MAGI2: variants seen among roughly 807,000 people sequenced by gnomAD.
MAGI2 encodes the protein membrane-associated guanylate kinase, WW and PDZ domain-containing protein 2.
MAGI2 carries 35 observed loss-of-function variants against 133.3 expected under a neutral mutation model. That is an observed-to-expected ratio of 0.26 (90% CI 0.20 to 0.35). MAGI2 has a LOEUF of 0.35. MAGI2 is among the 10% of genes least tolerant of loss of function. The pLI is 1.00. For synonymous variants in MAGI2, 729 were observed against 710.6 expected (o/e 1.03, Z -0.41); for missense variants, 1,636 against 1,863.4 (o/e 0.88, Z 2.25).
intron 6 of MAGI2, among the ~76,000 whole-genome samples, chr7:78,478,980 T>A (rs1792074452): frequency 6.6e-6 from 1 of 151,910 alleles, no homozygotes; most frequent in South Asian, 2.1e-4. Flanking sequence ...TAGGTTCCTT[T>A]AACCTATAAG....
chr7:78,037,964 G>A (rs1350611677), intron 21 of MAGI2, among the ~76,000 whole-genome samples: 12 of 152,190 alleles, frequency 7.9e-5, no homozygotes. Context: ...CTTCACAGGA[G>A]TAGACATGTC....
At chr7:79,059,074 G>A (rs1049904812) in intron 1 of MAGI2, among the ~76,000 whole-genome samples, 1 of 151,926 alleles carries the variant, frequency 6.6e-6, no homozygotes. Context: ...TTAGGTTGGT[G>A]CATTACCTTT....
intron 20 of MAGI2, among the ~76,000 whole-genome samples, chr7:78,085,373 T>C (rs1390208101): frequency 1.3e-5 from 2 of 151,624 alleles, no homozygotes; most frequent in African/African-American, 4.8e-5. Context: ...CTACAAAAAA[T>C]AAAAAACATT....
chr7:79,128,626 C>T (rs901752842), intron 1 of MAGI2, among the ~76,000 whole-genome samples: 3 of 152,122 alleles, frequency 2.0e-5, no homozygotes, highest in Non-Finnish European at 4.4e-5. Context: ...TACTATTCTG[C>T]TCCATCTCTG....
intron 10 of MAGI2, among the ~76,000 whole-genome samples, chr7:78,237,986 C>T (rs1018167723): frequency 3.3e-5 from 5 of 152,150 alleles, no homozygotes; most frequent in African/African-American, 1.2e-4. Context: ...AAATCCAAAG[C>T]TACCTTCTCC....
chr7:78,987,712 AAC>A (rs544676358), intron 2 of MAGI2, among the ~76,000 whole-genome samples: 57 of 152,202 alleles, frequency 3.7e-4, no homozygotes, highest in Non-Finnish European at 7.1e-4. Flanking sequence ...TTTTATTAAA[AAC>A]AGTTTCATTT....
At chr7:78,245,754 T>A in intron 10 of MAGI2, among the ~76,000 whole-genome samples, 1 of 152,076 alleles carries the variant, frequency 6.6e-6, no homozygotes. Context: ...TGGGGACTCC[T>A]GCAGTCCTCA....
intron 3 of MAGI2, among the ~76,000 whole-genome samples, chr7:78,606,460 A>C (rs912935175): frequency 6.6e-6 from 1 of 152,048 alleles, no homozygotes; most frequent in Non-Finnish European, 1.5e-5. Context: ...GACTAGTCAA[A>C]GATAATACAA....
intron 3 of MAGI2, among the ~76,000 whole-genome samples, chr7:78,600,244 A>G (rs1385857990): frequency 6.6e-6 from 1 of 152,214 alleles, no homozygotes; most frequent in Non-Finnish European, 1.5e-5. Context: ...GAATTTTTAA[A>G]TAATGGAATA....
chr7:78,770,573 C>G (rs1443378073), intron 2 of MAGI2, among the ~76,000 whole-genome samples: 2 of 152,174 alleles, frequency 1.3e-5, no homozygotes, highest in Non-Finnish European at 2.9e-5. Context: ...CAAACAGCCA[C>G]CTGACAATCT....
At chr7:78,978,090 G>A (rs574003213) in intron 2 of MAGI2, among the ~76,000 whole-genome samples, 15 of 151,782 alleles carry the variant, frequency 9.9e-5, no homozygotes, top group African/African-American at 3.6e-4. Context: ...AAAATAATAC[G>A]GCCACTTTGG....
At chr7:78,751,456 G>T (rs986491640) in intron 2 of MAGI2, among the ~76,000 whole-genome samples, 2 of 152,130 alleles carry the variant, frequency 1.3e-5, no homozygotes, top group African/African-American at 4.8e-5. Context: ...AACCTCACAC[G>T]AATGACCTAA....
intron 1 of MAGI2, among the ~76,000 whole-genome samples, chr7:79,436,927 A>G (rs1479691170): frequency 3.3e-5 from 5 of 152,206 alleles, no homozygotes; most frequent in Non-Finnish European, 5.9e-5. Context: ...ACACAATAGC[A>G]AAGCCATGGA....
chr7:78,389,832 A>G (rs1159106551), intron 6 of MAGI2, among the ~76,000 whole-genome samples: 1 of 152,236 alleles, frequency 6.6e-6, no homozygotes, highest in Non-Finnish European at 1.5e-5. Context: ...AGAAAAGCAC[A>G]TGTGGATTAA....
chr7:78,251,319 T>A (rs1792359488), intron 10 of MAGI2: 1 of 152,116 alleles, frequency 6.6e-6, no homozygotes, highest in Non-Finnish European at 1.5e-5. Flanking sequence ...GGTAACAAGG[T>A]AGGGATGTCT....
chr7:79,278,116 A>T (rs1835367860), intron 1 of MAGI2, among the ~76,000 whole-genome samples: 1 of 152,152 alleles, frequency 6.6e-6, no homozygotes, highest in Non-Finnish European at 1.5e-5. Context: ...TCCCTCATGA[A>T]TGACTTTGCA....
intron 15 of MAGI2, among the ~76,000 whole-genome samples, chr7:78,164,924 C>G (rs1371868540): frequency 6.6e-6 from 1 of 152,096 alleles, no homozygotes; most frequent in Non-Finnish European, 1.5e-5. Context: ...TAAAGCCACT[C>G]TTCTCATATC....
intron 1 of MAGI2, among the ~76,000 whole-genome samples, chr7:79,268,783 A>G (rs756047047): frequency 5.3e-5 from 8 of 152,084 alleles, no homozygotes; most frequent in Non-Finnish European, 8.8e-5. Flanking sequence ...TGTCAACACC[A>G]CCAGAAAGAA....
chr7:78,779,833 G>A (rs1408354436), intron 2 of MAGI2, among the ~76,000 whole-genome samples: 1 of 152,144 alleles, frequency 6.6e-6, no homozygotes, highest in Non-Finnish European at 1.5e-5. Flanking sequence ...CAATCCCCAT[G>A]GTGATGGTGC....
Sources: gnomAD v4.1 joint callset for allele counts (sites outside exome capture counted in the v4.1 genomes callset) on GRCh38, gnomAD v4.1.1 for gene constraint, MANE v1.5 for transcripts, NCBI Gene and HGNC (gene_info 2026-07-23, HGNC 2026-07-21) for gene names.